The following CTNNA3 variants were observed in gnomAD, a reference collection of about 807,000 sequenced individuals.
CTNNA3 encodes the protein catenin alpha 3.
A neutral mutation model predicts 95.7 loss-of-function variants in CTNNA3; 76 were observed. That is an observed-to-expected ratio of 0.79 (90% CI 0.66 to 0.96). The LOEUF is 0.96. CTNNA3 is among the 40% of genes least tolerant of loss of function. The pLI, the probability that CTNNA3 is intolerant of heterozygous loss-of-function variation, is 0.00. For synonymous variants in CTNNA3, 431 were observed against 374.4 expected (o/e 1.15, Z -1.74); for missense variants, 1,191 against 1,089.8 (o/e 1.09, Z -1.31).
chr10:67,086,502 A>G (rs1394557002), intron 7 of CTNNA3, among the ~76,000 whole-genome samples: 1 of 152,022 alleles, frequency 6.6e-6, no homozygotes. Context: ...AAATCCTGAA[A>G]TGCTCCTCTG....
rs372206160 is a variant in CTNNA3 at position 66,927,936 on chromosome 10, T to C, written c.1048-152412A>G. On this transcript the variant is annotated intron_variant, in intron 7 of 17. Transcript: ENST00000433211. The surrounding 1 kb of genome is among the most constrained non-coding windows in gnomAD (Gnocchi z 4.7). ...GTCTAAGGGAGAATACAATTATCTG[T>C]GCCAGTCCCAAAGAGCTGCAAGGAG... 6.2e-7 allele frequency: 1 copy of C among 1,614,124 alleles called. No individual in the cohort carries two copies. The highest frequency in any genetic ancestry group is 1.3e-5 in the African/African-American group (1 of 74,936).
intron 7 of CTNNA3, among the ~76,000 whole-genome samples, chr10:67,082,365 C>T (rs184329755): frequency 5.4e-4 from 82 of 152,174 alleles, no homozygotes; most frequent in Admixed American, 2.9e-3. Flanking sequence ...GCACAAATTG[C>T]GATTTCGCTA....
At chr10:66,446,192 A>C (rs192052100) in intron 11 of CTNNA3, among the ~76,000 whole-genome samples, 47 of 152,332 alleles carry the variant, frequency 3.1e-4, no homozygotes, top group African/African-American at 1.1e-3. Context: ...ATAGCTTACA[A>C]ACCAAAAAAA....
intron 16 of CTNNA3, among the ~76,000 whole-genome samples, chr10:65,987,698 A>T (rs1181309225): frequency 6.6e-6 from 1 of 152,116 alleles, no homozygotes; most frequent in Non-Finnish European, 1.5e-5. Flanking sequence ...TTTAAAGAAA[A>T]GGAAGTCAGT....
At chr10:67,295,993 T>C (rs1840015896) in intron 5 of CTNNA3, among the ~76,000 whole-genome samples, 1 of 151,846 alleles carries the variant, frequency 6.6e-6, no homozygotes, top group Non-Finnish European at 1.5e-5. Context: ...TAAGGGAGGG[T>C]CCATAGTAGA....
chr10:66,520,609 A>G lies in CTNNA3; in HGVS notation c.1531+8T>C. ...GAAAATAAACAAATTAAAAGAATAAAAACATACCAGATACAGCAAGGAAGT... is the reference window on the plus strand; with the variant it reads ...GAAAATAAACAAATTAAAAGAATAAGAACATACCAGATACAGCAAGGAAGT... On this transcript the variant is annotated splice_region_variant and intron_variant, in intron 11 of 17. Transcript: ENST00000433211. The G allele has an allele frequency of 6.3e-7, 1 of 1,595,016 alleles. No individual in the cohort carries two copies. The highest frequency in any genetic ancestry group is 8.5e-7 in the Non-Finnish European group (1 of 1,170,382).
intron 2 of CTNNA3, among the ~76,000 whole-genome samples, chr10:67,640,921 A>T (rs1164174853): frequency 3.9e-5 from 6 of 152,154 alleles, no homozygotes. Context: ...AACCTAGGCA[A>T]TACCATTCAG....
chr10:66,039,268 A>T (rs1376627754), intron 15 of CTNNA3, among the ~76,000 whole-genome samples: 2 of 152,214 alleles, frequency 1.3e-5, no homozygotes, highest in East Asian at 1.9e-4. Flanking sequence ...ATAGAAAAAC[A>T]TTCCTACTAG....
chr10:66,524,456 A>G (rs1841179805), intron 10 of CTNNA3, among the ~76,000 whole-genome samples: 1 of 152,130 alleles, frequency 6.6e-6, no homozygotes. Context: ...CTTCAACACT[A>G]TTTAGGTCAT....
chr10:66,977,144 A>C lies in CTNNA3; in HGVS notation c.1048-201620T>G, dbSNP rs928086347. Among the ~76,000 whole-genome samples the C allele has an allele frequency of 5.3e-5, 8 of 152,256 alleles. No individual in the cohort carries two copies. In the East Asian group the frequency reaches 9.6e-4, roughly 18 times the overall value. On this transcript the variant is annotated intron_variant, in intron 7 of 17. Transcript: ENST00000433211. ...GTTTAAAGGACCTATAATGGGTAGA[A>C]TATATAAAGGTTGGCCGGGCACGGT... is the stretch of plus-strand genomic sequence containing the variant.
intron 7 of CTNNA3, among the ~76,000 whole-genome samples, chr10:66,894,187 A>C (rs1201297741): frequency 1.3e-5 from 2 of 152,052 alleles, no homozygotes; most frequent in African/African-American, 4.8e-5. Flanking sequence ...ATACACGTTA[A>C]TTTTTATAAT....
At chr10:67,562,295 T>C (rs2133261890) in intron 3 of CTNNA3, among the ~76,000 whole-genome samples, 1 of 152,254 alleles carries the variant, frequency 6.6e-6, no homozygotes, top group Non-Finnish European at 1.5e-5. Context: ...TCCACCATGA[T>C]CAAGTGGGCT....
intron 3 of CTNNA3, among the ~76,000 whole-genome samples, chr10:67,566,156 C>A (rs1419519503): frequency 1.5e-5 from 2 of 130,024 alleles, no homozygotes; most frequent in Non-Finnish European, 3.3e-5. Flanking sequence ...GCAACAAAAG[C>A]CAAAATTGAC....
At chr10:67,063,801 T>C (rs1855902506) in intron 7 of CTNNA3, among the ~76,000 whole-genome samples, 1 of 152,222 alleles carries the variant, frequency 6.6e-6, no homozygotes, top group Non-Finnish European at 1.5e-5. Context: ...GGAGAAGATC[T>C]CTAAGTTGCT....
intron 11 of CTNNA3, among the ~76,000 whole-genome samples, chr10:66,499,896 G>A (rs903680798): frequency 6.6e-6 from 1 of 150,516 alleles, no homozygotes; most frequent in African/African-American, 2.5e-5. Flanking sequence ...TCTGCCTCCC[G>A]GCTTCAAGCA....
At chr10:66,871,196 A>C (rs1160607855) in intron 7 of CTNNA3, among the ~76,000 whole-genome samples, 1 of 152,210 alleles carries the variant, frequency 6.6e-6, no homozygotes, top group Non-Finnish European at 1.5e-5. Context: ...GAAGAAAATC[A>C]TATAAACACC....
intron 5 of CTNNA3, among the ~76,000 whole-genome samples, chr10:67,317,734 G>A (rs1049094337): frequency 1.3e-5 from 2 of 151,978 alleles, no homozygotes; most frequent in Admixed American, 1.3e-4. Context: ...ATCATCGGGG[G>A]TTTTAAGGTC....
At chr10:66,032,021 A>G (rs2079457785) in intron 15 of CTNNA3, among the ~76,000 whole-genome samples, 1 of 152,230 alleles carries the variant, frequency 6.6e-6, no homozygotes, top group African/African-American at 2.4e-5. Flanking sequence ...AAAAATTATG[A>G]AATAGAAAGA....
At chr10:66,680,191 T>G (rs1034702538) in intron 9 of CTNNA3, among the ~76,000 whole-genome samples, 8 of 151,852 alleles carry the variant, frequency 5.3e-5, no homozygotes, top group African/African-American at 1.2e-4. Context: ...TTTTTTGTTT[T>G]TTTGTTTGTT....
Sources: allele counts gnomAD v4.1 joint callset (sites outside exome capture counted in the v4.1 genomes callset), GRCh38; gene constraint gnomAD v4.1.1; non-coding constraint Gnocchi (gnomAD v3.1); transcripts MANE v1.5; gene names NCBI Gene and HGNC (gene_info 2026-07-23, HGNC 2026-07-21).